Variants in DBNL observed in about 807,000 individuals in gnomAD.
DBNL encodes drebrin-like protein.
DBNL carries 35 observed loss-of-function variants against 62.2 expected under a neutral mutation model. The observed-to-expected ratio is 0.56, with a 90% confidence interval of 0.43 to 0.75. The LOEUF (loss-of-function observed/expected upper bound fraction) is 0.75. Among genes scored for constraint, DBNL ranks in the 30% least tolerant of loss-of-function variants. The pLI is 0.00. For missense variants in DBNL, 495 were observed against 578.4 expected (o/e 0.86, Z 1.48); for synonymous variants, 197 against 218.0 (o/e 0.90, Z 0.85).
intron 6 of DBNL, 93 bp from the exon 7 acceptor site, chr7:44,058,036 C>G: frequency 6.6e-7 from 1 of 1,522,100 alleles, no homozygotes; most frequent in Non-Finnish European, 8.9e-7. Context: ...CTCTGGTGCC[C>G]GTCTTTGGCC....
In DBNL at chr7:44,063,129, A is replaced by G. The variant is rs2096152279; in HGVS notation, c.*2213A>G. On this transcript the variant is annotated 3_prime_UTR_variant, in exon 13 of 13. Coordinates refer to ENST00000448521, the MANE Select transcript of DBNL (RefSeq NM_001014436.3). ...ACCAAGCAGCCTACAGAAATAGCCC[A>G]GTGGTGAAAAAAATGGGGACTTCAG... 1 of 619,726 alleles carries G rather than the reference A, an allele frequency of 1.6e-6. No individual in the cohort carries two copies. Among genetic ancestry groups the G allele is most frequent in the Non-Finnish European group, 2.9e-6 (1 of 343,738 alleles). The allele number at this position is 619,726 out of a possible 1,614,324, so 38.4% of individuals were successfully genotyped here. A position where few individuals can be genotyped will look rare whatever the true frequency, so the allele number is the denominator to read the frequency against.
rs10236567 is a variant in DBNL at position 44,068,570 on chromosome 7, T to G, written c.*7654T>G. On this transcript the variant is annotated 3_prime_UTR_variant, in exon 13 of 13. Transcript: ENST00000448521. ...AGGTTATCCAAAATAACCCAGTGTA[T>G]GAAAACCAGGAAAATCTTAACATGG... 0.27 allele frequency: 41,797 copies of G among 152,108 alleles called. 5,874 individuals are homozygous for G. The highest frequency in any genetic ancestry group is 0.32 in the Middle Eastern group (95 of 294). The allele number at this position is 152,108 out of a possible 1,614,324, so 9.4% of individuals were successfully genotyped here. A position where few individuals can be genotyped will look rare whatever the true frequency, so the allele number is the denominator to read the frequency against.
At chr7:44,055,625 G>A (rs964582513) in intron 4 of DBNL, among the ~76,000 whole-genome samples, 3 of 152,110 alleles carry the variant, frequency 2.0e-5, no homozygotes, top group Admixed American at 6.5e-5. Flanking sequence ...ATGATAGCCC[G>A]TTATGGTTTT....
At chr7:44,054,937 TC>T (rs2096133513) in intron 4 of DBNL, among the ~76,000 whole-genome samples, 1 of 152,234 alleles carries the variant, frequency 6.6e-6, no homozygotes, top group African/African-American at 2.4e-5. Context: ...TCCAGTTCCA[TC>T]CATGTTGCTG....
In DBNL at chr7:44,063,135, G is replaced by GA; in HGVS notation, c.*2226dup. 1.7e-6 allele frequency: 1 copy of GA among 601,552 alleles called. No homozygotes were observed. Among genetic ancestry groups the GA allele is most frequent in the Non-Finnish European group, 3.0e-6 (1 of 334,084 alleles). 37.3% of individuals were successfully genotyped at this position (601,552 alleles called of 1,614,324 possible). ...CAGCCTACAGAAATAGCCCAGTGGTGAAAAAAATGGGGACTTCAGCCCCAC... is the reference window on the plus strand; with the variant it reads ...CAGCCTACAGAAATAGCCCAGTGGTGAAAAAAAATGGGGACTTCAGCCCCAC... On this transcript the variant is annotated 3_prime_UTR_variant, in exon 13 of 13. Transcript: ENST00000448521.
chr7:44,046,465 G>T (rs1251704395), intron 1 of DBNL, among the ~76,000 whole-genome samples: 3 of 152,072 alleles, frequency 2.0e-5, no homozygotes, highest in Non-Finnish European at 4.4e-5. Flanking sequence ...GGCTGCTTAC[G>T]AGAGCTGTCT....
At chr7:44,050,160 G>A (rs933263457) in intron 1 of DBNL, 65 bp from the exon 2 acceptor site, 2 of 1,561,700 alleles carry the variant, frequency 1.3e-6, no homozygotes, top group Non-Finnish European at 1.8e-6. Flanking sequence ...AAGTCATGGT[G>A]GATACGGTGA....
chr7:44,060,842 G>T lies in DBNL; in HGVS notation c.1219G>T (p.Gly407Cys), dbSNP rs769484883. ...CACGGGCATCGAGGTGATCGACGAAGGCTGGTGGCGTGGCTATGGGCCGGA... is the reference window on the plus strand; with the variant it reads ...CACGGGCATCGAGGTGATCGACGAATGCTGGTGGCGTGGCTATGGGCCGGA... ...LITGIEVIDEGWWRGYGPDGH... is the reference protein window; with the variant it reads ...LITGIEVIDECWWRGYGPDGH... The change falls in exon 13 of 13, where the codon GGC (glycine) becomes TGC (cysteine). Residue 407 changes from glycine to cysteine, a missense_variant. Coordinates refer to ENST00000448521, the MANE Select transcript of DBNL (RefSeq NM_001014436.3). The surrounding 1 kb of genome is among the most constrained non-coding windows in gnomAD (Gnocchi z 6.3). The T allele has an allele frequency of 3.7e-6, 6 of 1,614,028 alleles. No homozygotes were observed. The highest frequency in any genetic ancestry group is 4.2e-6 in the Non-Finnish European group (5 of 1,180,014).
Position 44,059,636 on chromosome 7 carries a change from C to T in DBNL, c.1025C>T (p.Thr342Ile). The T allele has an allele frequency of 5.0e-6, 8 of 1,607,018 alleles. No individual in the cohort carries two copies. Among genetic ancestry groups the T allele is most frequent in the Non-Finnish European group, 5.1e-6 (6 of 1,179,604 alleles). Residue 342 changes from threonine to isoleucine, a missense_variant, in exon 11 of 13, where the codon ACC becomes ATC. Thr to Ile is a moderately conservative substitution (Grantham distance 89). Transcript: ENST00000448521. This position sits in a 1 kb window ranked among gnomAD's most constrained non-coding sequence, Gnocchi z 4.1. ...AVYEEPPEQE[T>I]FYEQPPLVQQ... ...TATGAGGAACCTCCAGAGCAGGAGA[C>T]CTTCTACGAGCAGCCCCCACTGGTG...
In DBNL at chr7:44,051,903, C is replaced by T. The variant is rs917298615; in HGVS notation, c.213C>T (p.Asp71=). 2 of 1,614,022 alleles carry T rather than the reference C, an allele frequency of 1.2e-6. No homozygotes were observed. The highest frequency in any genetic ancestry group is 1.7e-6 in the Non-Finnish European group (2 of 1,180,034). ...KVMYAFCRVK[D]PNSGLPKFVL... Reference sequence around the variant, plus strand: ...TGTACGCCTTCTGCAGAGTGAAGGACCCCAACTCTGGACTGCCCAAATTTG... The same window carrying T: ...TGTACGCCTTCTGCAGAGTGAAGGATCCCAACTCTGGACTGCCCAAATTTG... The change falls in exon 3 of 13, where the codon GAC becomes GAT. Residue 71 remains aspartate, a synonymous_variant. Coordinates refer to ENST00000448521, the MANE Select transcript of DBNL (RefSeq NM_001014436.3).
In DBNL at chr7:44,063,187, C is replaced by T. The variant is rs751787823; in HGVS notation, c.*2271C>T. 15 of 536,988 alleles carry T rather than the reference C, an allele frequency of 2.8e-5. No homozygotes were observed. Among genetic ancestry groups the T allele is most frequent in the Non-Finnish European group, 4.1e-5 (12 of 294,492 alleles). The allele number at this position is 536,988 out of a possible 1,614,324, so 33.3% of individuals were successfully genotyped here. ...CAAGTGGCTGTGATCTGTGGTGGTG[C>T]TGTCCATAGTTCCCTCAGCCCAGTG... On this transcript the variant is annotated 3_prime_UTR_variant, in exon 13 of 13. Coordinates refer to ENST00000448521, the MANE Select transcript of DBNL (RefSeq NM_001014436.3).
At chr7:44,054,547 C>A (rs2096132576) in intron 4 of DBNL, among the ~76,000 whole-genome samples, 1 of 152,114 alleles carries the variant, frequency 6.6e-6, no homozygotes, top group South Asian at 2.1e-4. Context: ...GCATACATGT[C>A]ATATTTTGAT....
rs1174120697 is a variant in DBNL at position 44,063,311 on chromosome 7, T to A, written c.*2395T>A. 3.2e-6 allele frequency: 1 copy of A among 308,718 alleles called. No homozygotes were observed. Among genetic ancestry groups the A allele is most frequent in the Admixed American group, 4.7e-5 (1 of 21,306 alleles). 19.1% of individuals were successfully genotyped at this position (308,718 alleles called of 1,614,324 possible). ...TCTTTTTCTTTTTTTTGAGATGGAGTTTTACTCCTCTTGCCCAGGCTGGAG... is the reference window on the plus strand; with the variant it reads ...TCTTTTTCTTTTTTTTGAGATGGAGATTTACTCCTCTTGCCCAGGCTGGAG... On this transcript the variant is annotated 3_prime_UTR_variant, in exon 13 of 13. Coordinates refer to ENST00000448521, the MANE Select transcript of DBNL (RefSeq NM_001014436.3).
chr7:44,050,204 C>G, intron 1 of DBNL, 21 bp from the exon 2 acceptor site: 1 of 1,613,186 alleles, frequency 6.2e-7, no homozygotes, highest in Non-Finnish European at 8.5e-7. Context: ...GGCTACAGAG[C>G]TCACTTGTGT....
chr7:44,058,840 G>T (rs754424481), intron 8 of DBNL, 62 bp from the exon 9 acceptor site: 1 of 1,601,632 alleles, frequency 6.2e-7, no homozygotes, highest in South Asian at 1.1e-5. Context: ...GAGGGGCTGT[G>T]ATCTGGGGAG....
Position 44,064,804 on chromosome 7 carries a change from C to T in DBNL, c.*3888C>T. 7.0e-7 allele frequency: 1 copy of T among 1,437,744 alleles called. No individual in the cohort carries two copies. 89.1% of individuals were successfully genotyped at this position (1,437,744 alleles called of 1,614,324 possible). On this transcript the variant is annotated 3_prime_UTR_variant, in exon 13 of 13. Transcript: ENST00000448521. ...CAGCTGGGGCTGCTGCCCACCCACCCTGCCCAGGCTCCTGAAGGTGGCCTC... is the reference window on the plus strand; with the variant it reads ...CAGCTGGGGCTGCTGCCCACCCACCTTGCCCAGGCTCCTGAAGGTGGCCTC...
rs138532765 is a variant in DBNL at position 44,055,925 on chromosome 7, T to C, written c.328-832T>C. On this transcript the variant is annotated intron_variant, in intron 4 of 12. Coordinates refer to ENST00000448521, the MANE Select transcript of DBNL (RefSeq NM_001014436.3). ...AGCCTTTTAGCTTGATGTAGTCCAA[T>C]TGGTTGATTTTTGCTTTTGTTGCCT... Among the ~76,000 whole-genome samples, 333 of 152,348 alleles carry C rather than the reference T, an allele frequency of 2.2e-3. 1 individual carries two copies. In the Middle Eastern group the frequency reaches 0.024, roughly 11 times the overall value.
At position 44,058,299 on chromosome 7, in the gene DBNL, C is replaced by T; in HGVS notation, c.704+19C>T. 6.3e-7 allele frequency: 1 copy of T among 1,576,616 alleles called. No individual in the cohort carries two copies. The highest frequency in any genetic ancestry group is 8.6e-7 in the Non-Finnish European group (1 of 1,160,458). ...CCCAGAGGTGAGCCAGAGGTGGAGGCTGGCCTGGGGGACCCACCCTGAGGC... is the reference window on the plus strand; with the variant it reads ...CCCAGAGGTGAGCCAGAGGTGGAGGTTGGCCTGGGGGACCCACCCTGAGGC... On this transcript the variant is annotated intron_variant, in intron 7 of 12. Coordinates refer to ENST00000448521, the MANE Select transcript of DBNL (RefSeq NM_001014436.3).
rs141349639 is a variant in DBNL at position 44,057,841 on chromosome 7, C to G, written c.534C>G (p.Ser178Arg). 1.2e-6 allele frequency: 2 copies of G among 1,614,086 alleles called. No individual in the cohort carries two copies. Among genetic ancestry groups the G allele is most frequent in the Non-Finnish European group, 1.7e-6 (2 of 1,180,042 alleles). Reference protein sequence around the residue: ...VSEIKRVGKDSFWAKAEKEEE... With the variant: ...VSEIKRVGKDRFWAKAEKEEE... ...AGATTAAAAGGGTTGGTAAAGACAG[C>G]TTCTGGGCCAAAGCAGAGGTGAGTG... Residue 178 changes from serine to arginine, a missense_variant, in exon 6 of 13, where the codon AGC becomes AGG. Physicochemically the swap from Ser to Arg is moderately radical, Grantham distance 110. Transcript: ENST00000448521.
Sources: allele counts gnomAD v4.1 joint callset (sites outside exome capture counted in the v4.1 genomes callset), GRCh38; gene constraint gnomAD v4.1.1; non-coding constraint Gnocchi (gnomAD v3.1); transcripts MANE v1.5; gene names NCBI Gene and HGNC (gene_info 2026-07-23, HGNC 2026-07-21).